TENM2: variants seen among roughly 807,000 people sequenced by gnomAD.
The protein encoded by TENM2 is teneurin-2.
Under a neutral mutation model 245.2 loss-of-function variants are expected in TENM2, and 52 were observed. The ratio of observed to expected loss-of-function variants is 0.21; its 90% confidence interval spans 0.17 to 0.27. The LOEUF (loss-of-function observed/expected upper bound fraction) is 0.27. TENM2 is among the 10% of genes least tolerant of loss of function. The pLI is 1.00. For synonymous variants in TENM2, 1,363 were observed against 1,438.9 expected, an observed-to-expected ratio of 0.95 and a Z score of 1.19; for missense variants, 3,046 against 3,666.8, an observed-to-expected ratio of 0.83 and a Z score of 4.37.
chr5:167,364,655 T>C (rs1759931663), intron 1 of TENM2, among the ~76,000 whole-genome samples: 1 of 152,050 alleles, frequency 6.6e-6, no homozygotes, highest in African/African-American at 2.4e-5. Context: ...ATAAGAAAGC[T>C]GGCTTGACTG....
At chr5:167,627,853 G>A (rs1211826088) in intron 2 of TENM2, among the ~76,000 whole-genome samples, 1 of 152,062 alleles carries the variant, frequency 6.6e-6, no homozygotes, top group African/African-American at 2.4e-5. Flanking sequence ...CACCACGCCT[G>A]GTCCGACTCT....
chr5:167,116,781 C>T, the TENM2 span: 3 of 152,046 alleles, frequency 2.0e-5, no homozygotes, highest in East Asian at 1.9e-4. Flanking sequence ...TTTCTTTCCA[C>T]TCATCTGGCC....
At chr5:168,258,874 A>AT (rs143279852) in intron 27 of TENM2, among the ~76,000 whole-genome samples, 157 of 148,248 alleles carry the variant, frequency 1.1e-3, no homozygotes, top group African/African-American at 3.4e-3. Flanking sequence ...TGAGTTTTAC[A>AT]TTTTTTTTTT....
intron 2 of TENM2, among the ~76,000 whole-genome samples, chr5:167,458,515 A>G (rs1438160711): frequency 1.3e-5 from 2 of 148,440 alleles, no homozygotes; most frequent in African/African-American, 2.5e-5. Flanking sequence ...AAAAAAAAAA[A>G]AGACATTTTT....
At chr5:168,067,791 G>A (rs963394646) in intron 7 of TENM2, among the ~76,000 whole-genome samples, 1 of 151,964 alleles carries the variant, frequency 6.6e-6, no homozygotes, top group African/African-American at 2.4e-5. Flanking sequence ...GGCTCCACTG[G>A]GCCTCACCTT....
chr5:167,468,260 C>G (rs2127504572), intron 2 of TENM2, among the ~76,000 whole-genome samples: 1 of 152,272 alleles, frequency 6.6e-6, no homozygotes, highest in African/African-American at 2.4e-5. Context: ...AGAAAGTTTT[C>G]TGGAAGGATG....
intron 2 of TENM2, among the ~76,000 whole-genome samples, chr5:167,853,534 G>A (rs1008607728): frequency 6.6e-6 from 1 of 152,054 alleles, no homozygotes; most frequent in South Asian, 2.1e-4. Context: ...ATACTTTCAA[G>A]TGGATTGGCT....
chr5:168,160,046 A>C (rs1174669132), intron 12 of TENM2, among the ~76,000 whole-genome samples: 1 of 152,222 alleles, frequency 6.6e-6, no homozygotes, highest in Non-Finnish European at 1.5e-5. Flanking sequence ...AAAGTAGCTA[A>C]ATAACAAAGC....
rs147484147 is a variant in TENM2 at position 167,574,374 on chromosome 5, G to C, written c.502+198901G>C. On this transcript the variant is annotated intron_variant, in intron 2 of 28. Transcript: ENST00000518659. ...CCAATTGATACTGCTTTTGAACTCCGGGACTTAAACCCTAGGAGACAGCTG... is the reference window on the plus strand; with the variant it reads ...CCAATTGATACTGCTTTTGAACTCCCGGACTTAAACCCTAGGAGACAGCTG... Among the ~76,000 whole-genome samples, 27 of 152,158 alleles carry C rather than the reference G, an allele frequency of 1.8e-4. No homozygotes were observed. In the East Asian group the frequency reaches 4.1e-3, roughly 23 times the overall value.
At chr5:167,278,674 A>G in the TENM2 span, among the ~76,000 whole-genome samples, 1 of 152,072 alleles carries the variant, frequency 6.6e-6, no homozygotes, top group African/African-American at 2.4e-5. Context: ...TACTAGTTTG[A>G]ATAAAGTGTG....
chr5:167,560,598 T>A (rs1773523374), intron 2 of TENM2, among the ~76,000 whole-genome samples: 1 of 152,186 alleles, frequency 6.6e-6, no homozygotes, highest in Non-Finnish European at 1.5e-5. Context: ...CCTCTAAGCC[T>A]CAGTTGCCAT....
chr5:167,561,439 G>A (rs1433945784), intron 2 of TENM2, among the ~76,000 whole-genome samples: 3 of 152,308 alleles, frequency 2.0e-5, no homozygotes, highest in Non-Finnish European at 2.9e-5. Flanking sequence ...AATTGTTAGA[G>A]GAAGAGGAGA....
At chr5:167,060,737 C>G in the TENM2 span, among the ~76,000 whole-genome samples, 1 of 150,262 alleles carries the variant, frequency 6.7e-6, no homozygotes, top group Non-Finnish European at 1.5e-5. Context: ...ATCATTTCAA[C>G]ATGTAATTAA....
At chr5:167,559,758 C>T (rs1398518474) in intron 2 of TENM2, among the ~76,000 whole-genome samples, 4 of 152,164 alleles carry the variant, frequency 2.6e-5, no homozygotes, top group Non-Finnish European at 4.4e-5. Context: ...GAAGTCTTCT[C>T]TTCCAAAAGT....
At chr5:167,206,017 C>A in the TENM2 span, among the ~76,000 whole-genome samples, 2 of 152,206 alleles carry the variant, frequency 1.3e-5, no homozygotes, top group Non-Finnish European at 2.9e-5. Context: ...AGGATAATCT[C>A]CCAATTTCAC....
intron 1 of TENM2, among the ~76,000 whole-genome samples, chr5:167,322,904 G>A (rs1756855278): frequency 6.6e-6 from 1 of 152,198 alleles, no homozygotes; most frequent in Admixed American, 6.5e-5. Context: ...GATGCACTAA[G>A]CATCTCATAA....
At chr5:167,240,645 G>A in the TENM2 span, among the ~76,000 whole-genome samples, 15,545 of 152,090 alleles carry the variant, frequency 0.1, 951 homozygotes, top group African/African-American at 0.17. Flanking sequence ...GTCTTTTCAC[G>A]TTTTGGTTTT....
intron 2 of TENM2, among the ~76,000 whole-genome samples, chr5:167,705,873 T>A (rs140693639): frequency 7.3e-5 from 11 of 151,496 alleles, no homozygotes; most frequent in African/African-American, 2.7e-4. Context: ...GCAGTTGTCC[T>A]TTATATCTGG....
At chr5:167,174,288 G>T in the TENM2 span, among the ~76,000 whole-genome samples, 1 of 152,076 alleles carries the variant, frequency 6.6e-6, no homozygotes, top group Non-Finnish European at 1.5e-5. Context: ...CCTTCAGCTT[G>T]TGCCTATTCT....
Sources: gnomAD v4.1 joint callset for allele counts (sites outside exome capture counted in the v4.1 genomes callset) on GRCh38, gnomAD v4.1.1 for gene constraint, MANE v1.5 for transcripts, NCBI Gene and HGNC (gene_info 2026-07-23, HGNC 2026-07-21) for gene names.